Variants in ANKS1B observed in about 807,000 individuals in gnomAD.
The protein encoded by ANKS1B is ankyrin repeat and sterile alpha motif domain containing 1B.
In ANKS1B, 36 loss-of-function variants were observed where a neutral mutation model predicts 148.3. The observed-to-expected ratio is 0.24, with a 90% confidence interval of 0.19 to 0.32. ANKS1B has a LOEUF of 0.32. ANKS1B is among the 10% of genes least tolerant of loss of function. The probability of loss-of-function intolerance (pLI) is 1.00; values close to 1 mark genes in which losing one functional copy is unlikely to be tolerated. For synonymous variants in ANKS1B, 542 were observed against 560.8 expected (o/e 0.97, Z 0.47); for missense variants, 1,157 against 1,542.6 (o/e 0.75, Z 4.19).
intron 26 of ANKS1B, among the ~76,000 whole-genome samples, chr12:98,747,446 A>T (rs1218089911): frequency 6.6e-6 from 1 of 152,196 alleles, no homozygotes; most frequent in East Asian, 1.9e-4. Flanking sequence ...TCAAAAAGAC[A>T]AAAACTAATG....
chr12:99,494,574 A>G (rs906489283), intron 10 of ANKS1B, among the ~76,000 whole-genome samples: 2 of 151,950 alleles, frequency 1.3e-5, no homozygotes, highest in African/African-American at 4.8e-5. Context: ...TCTACTAAAA[A>G]TACAAAAAAT....
At chr12:99,468,508 A>C (rs1027566954) in intron 10 of ANKS1B, among the ~76,000 whole-genome samples, 124 of 152,208 alleles carry the variant, frequency 8.1e-4, no homozygotes, top group African/African-American at 2.3e-3. Context: ...AGGCAACCTA[A>C]AAAATGGAAG....
At chr12:99,752,199 G>C (rs927783576) in intron 8 of ANKS1B, among the ~76,000 whole-genome samples, 1 of 151,806 alleles carries the variant, frequency 6.6e-6, no homozygotes, top group South Asian at 2.1e-4. Flanking sequence ...TTAAAATATA[G>C]CTATTTCTTT....
rs1451532703 is a variant in ANKS1B at position 99,897,206 on chromosome 12, AT to A, written c.135-71818del. On this transcript the variant is annotated intron_variant, in intron 1 of 26. Transcript: ENST00000683438. ...CCTTGACACATACATATTTATCAAA[AT>A]TGGCAGAGTAATAAAATCAGGTGAG... is the stretch of plus-strand genomic sequence containing the variant. Among the ~76,000 whole-genome samples the A allele has an allele frequency of 2.0e-5, 3 of 151,306 alleles. 1 individual carries two copies. Among genetic ancestry groups the A allele is most frequent in the Admixed American group, 6.6e-5 (1 of 15,126 alleles).
At chr12:99,204,605 T>C (rs1601658167) in intron 14 of ANKS1B, among the ~76,000 whole-genome samples, 1 of 152,326 alleles carries the variant, frequency 6.6e-6, no homozygotes, top group East Asian at 1.9e-4. Flanking sequence ...GCCCAGTAAA[T>C]GCAGGCGTGT....
At chr12:99,894,245 C>T (rs2093269694) in intron 1 of ANKS1B, among the ~76,000 whole-genome samples, 1 of 125,720 alleles carries the variant, frequency 8.0e-6, no homozygotes, top group Admixed American at 9.4e-5. Flanking sequence ...ATAGGGAGAC[C>T]CCCATCTCGA....
chr12:99,658,476 C>A (rs561589552), intron 8 of ANKS1B, among the ~76,000 whole-genome samples: 3 of 152,032 alleles, frequency 2.0e-5, no homozygotes, highest in Admixed American at 2.0e-4. Flanking sequence ...TTCCCACAAG[C>A]ATGCATGATA....
intron 15 of ANKS1B, among the ~76,000 whole-genome samples, chr12:99,134,645 T>TCACACA (rs4016023): frequency 8.1e-4 from 85 of 105,106 alleles, no homozygotes; most frequent in South Asian, 2.4e-3. Context: ...TCTCTCTCTC[T>TCACACA]CACACACACA....
chr12:98,798,108 A>G (rs533515695), intron 22 of ANKS1B, among the ~76,000 whole-genome samples: 8 of 146,594 alleles, frequency 5.5e-5, no homozygotes, highest in Middle Eastern at 3.4e-3. Flanking sequence ...CTAATCACAG[A>G]TATTTGGAAT....
chr12:99,521,632 A>G (rs1679229152), intron 9 of ANKS1B, among the ~76,000 whole-genome samples: 1 of 152,124 alleles, frequency 6.6e-6, no homozygotes, highest in South Asian at 2.1e-4. Context: ...GATCTTGGAT[A>G]AGATCTGAAA....
intron 11 of ANKS1B, among the ~76,000 whole-genome samples, chr12:99,438,788 C>T (rs1197306468): frequency 5.3e-5 from 8 of 151,814 alleles, no homozygotes; most frequent in African/African-American, 1.9e-4. Context: ...AACACTGTAA[C>T]ATTGTCTGCT....
At chr12:99,455,452 A>G (rs1013336510) in intron 10 of ANKS1B, among the ~76,000 whole-genome samples, 10 of 152,214 alleles carry the variant, frequency 6.6e-5, no homozygotes, top group Non-Finnish European at 1.2e-4. Flanking sequence ...CCTTTGAAGG[A>G]GTAGATTGCC....
chr12:99,770,155 C>T (rs1438605019), intron 8 of ANKS1B, among the ~76,000 whole-genome samples: 1 of 152,190 alleles, frequency 6.6e-6, no homozygotes, highest in Non-Finnish European at 1.5e-5. Context: ...TTTCTAAATC[C>T]ATATTGTTAG....
At chr12:98,942,194 T>C (rs1380063087) in intron 17 of ANKS1B, among the ~76,000 whole-genome samples, 2 of 143,598 alleles carry the variant, frequency 1.4e-5, no homozygotes, top group Admixed American at 1.4e-4. Flanking sequence ...TGAGCTGAGA[T>C]CGCGCCACTG....
In ANKS1B at chr12:99,811,657, T is replaced by C. The variant is rs186405673; in HGVS notation, c.372+498A>G. 1.3e-3 allele frequency among the ~76,000 whole-genome samples: 194 copies of C among 152,004 alleles called. 1 individual carries two copies. The highest frequency in any genetic ancestry group is 2.1e-3 in the Non-Finnish European group (142 of 67,842). On this transcript the variant is annotated intron_variant, in intron 3 of 26. Coordinates refer to ENST00000683438, the MANE Select transcript of ANKS1B (RefSeq NM_001352186.2). The stretch of plus-strand genomic sequence containing the variant: ...GCATATGTGTTTGTGTTTGTATATA[T>C]ATATATCAAAAAATTTTAACTTAAT...
chr12:99,282,188 G>T (rs1256897722), intron 12 of ANKS1B, among the ~76,000 whole-genome samples: 4 of 152,334 alleles, frequency 2.6e-5, no homozygotes, highest in Admixed American at 2.0e-4. Flanking sequence ...TGTAGGAAGT[G>T]CAGAAATAAG....
At chr12:99,730,970 C>G (rs1467068491) in intron 8 of ANKS1B, among the ~76,000 whole-genome samples, 1 of 152,122 alleles carries the variant, frequency 6.6e-6, no homozygotes, top group East Asian at 1.9e-4. Context: ...GAGTTTCCCT[C>G]TTTTTGCCTA....
At chr12:99,883,338 A>AAAAC (rs34427759) in intron 1 of ANKS1B, among the ~76,000 whole-genome samples, 34,046 of 151,922 alleles carry the variant, frequency 0.22, 3,861 homozygotes, top group Non-Finnish European at 0.24. Flanking sequence ...TCGAAGCAAA[A>AAAAC]AAACAAACAA....
At chr12:98,963,818 G>A (rs114121082) in intron 17 of ANKS1B, among the ~76,000 whole-genome samples, 1,764 of 152,220 alleles carry the variant, frequency 0.012, 44 homozygotes, top group African/African-American at 0.04. Context: ...AAAAAATCTA[G>A]GCCAGGCGTG....
Sources: gnomAD v4.1 joint callset for allele counts (sites outside exome capture counted in the v4.1 genomes callset) on GRCh38, gnomAD v4.1.1 for gene constraint, MANE v1.5 for transcripts, NCBI Gene and HGNC (gene_info 2026-07-23, HGNC 2026-07-21) for gene names.